CPA6: variants seen among roughly 807,000 people sequenced by gnomAD.
CPA6 encodes the protein carboxypeptidase A6, also known as carboxypeptidase B.
CPA6 carries 58 observed loss-of-function variants against 63.3 expected under a neutral mutation model. The ratio of observed to expected loss-of-function variants is 0.92; its 90% confidence interval spans 0.74 to 1.14. CPA6 has a LOEUF of 1.14. Among genes scored for constraint, CPA6 ranks in the 50% most tolerant of loss-of-function variants. The probability of loss-of-function intolerance (pLI) is 0.00; values close to 1 mark genes in which losing one functional copy is unlikely to be tolerated. For missense variants in CPA6, 565 were observed against 526.6 expected (o/e 1.07, Z -0.71); for synonymous variants, 185 against 179.0 (o/e 1.03, Z -0.27).
intron 2 of CPA6, among the ~76,000 whole-genome samples, chr8:67,550,141 C>T (rs1400530630): frequency 6.6e-6 from 1 of 152,126 alleles, no homozygotes; most frequent in African/African-American, 2.4e-5. Context: ...GATCCCATCA[C>T]CCAGGTACTG....
At chr8:67,624,886 A>G (rs1815161976) in intron 1 of CPA6, among the ~76,000 whole-genome samples, 1 of 152,138 alleles carries the variant, frequency 6.6e-6, no homozygotes, top group Non-Finnish European at 1.5e-5. Flanking sequence ...CCAAAACACC[A>G]GGGGTTTGGT....
intron 9 of CPA6, among the ~76,000 whole-genome samples, chr8:67,432,492 C>T (rs1810049943): frequency 6.6e-6 from 1 of 152,114 alleles, no homozygotes; most frequent in Admixed American, 6.6e-5. Context: ...CAGGGTCTCA[C>T]TCTGTCTCCC....
intron 1 of CPA6, among the ~76,000 whole-genome samples, chr8:67,645,755 C>G (rs1319459850): frequency 6.6e-6 from 1 of 152,076 alleles, no homozygotes; most frequent in African/African-American, 2.4e-5. Context: ...TTTTAATTTT[C>G]CCAGGTCTTC....
At chr8:67,709,423 T>A (rs1481963967) in intron 1 of CPA6, among the ~76,000 whole-genome samples, 1 of 152,246 alleles carries the variant, frequency 6.6e-6, no homozygotes, top group Non-Finnish European at 1.5e-5. Flanking sequence ...GTCCCTTGGA[T>A]GAATTATTTC....
chr8:67,466,365 T>C (rs1221495400), intron 8 of CPA6, among the ~76,000 whole-genome samples: 2 of 152,106 alleles, frequency 1.3e-5, no homozygotes, highest in African/African-American at 4.8e-5. Flanking sequence ...TGTTTGTTAA[T>C]CTAGCTAGCA....
intron 1 of CPA6, among the ~76,000 whole-genome samples, chr8:67,634,005 A>ATGGACAGGTTAAATAGCAGATT (rs1815405587): frequency 6.6e-6 from 1 of 151,578 alleles, no homozygotes; most frequent in African/African-American, 2.4e-5. Context: ...TCGTATGTTG[A>ATGGACAGGTTAAATAGCAGATT]AGTCCTAACT....
At position 67,423,967 on chromosome 8, in the gene CPA6, T is replaced by C. The variant is rs890609482; in HGVS notation, c.1127-1276A>G. On this transcript the variant is annotated intron_variant, in intron 10 of 10. Coordinates refer to ENST00000297770, the MANE Select transcript of CPA6 (RefSeq NM_020361.5). The stretch of plus-strand genomic sequence containing the variant: ...AAGCTTCACCTGTATTTACAGTCAC[T>C]CGCTATCGCTTGCATTACTGCCTGA... Among the ~76,000 whole-genome samples the C allele has an allele frequency of 2.0e-5, 3 of 152,172 alleles. No individual in the cohort carries two copies. In the South Asian group the frequency reaches 6.2e-4, roughly 31 times the overall value.
At chr8:67,619,406 C>T (rs1254913960) in intron 2 of CPA6, among the ~76,000 whole-genome samples, 1 of 152,194 alleles carries the variant, frequency 6.6e-6, no homozygotes, top group Non-Finnish European at 1.5e-5. Flanking sequence ...TGGCTAGATT[C>T]TCTCTTCAGG....
chr8:67,658,194 C>T (rs1311369061), intron 1 of CPA6, among the ~76,000 whole-genome samples: 1 of 152,170 alleles, frequency 6.6e-6, no homozygotes. Context: ...CTTGATCTTT[C>T]TTCCTATCTA....
At chr8:67,486,357 A>G (rs1811476817) in intron 6 of CPA6, among the ~76,000 whole-genome samples, 1 of 152,270 alleles carries the variant, frequency 6.6e-6, no homozygotes, top group Middle Eastern at 3.2e-3. Context: ...GTGACACTTG[A>G]TATTTGCATT....
chr8:67,474,557 G>A (rs930187795), intron 8 of CPA6, among the ~76,000 whole-genome samples: 6 of 152,108 alleles, frequency 3.9e-5, no homozygotes, highest in Non-Finnish European at 8.8e-5. Flanking sequence ...AGTACAGGAA[G>A]GCACTTAGAA....
At chr8:67,547,626 C>A (rs905754859) in intron 2 of CPA6, among the ~76,000 whole-genome samples, 1 of 151,802 alleles carries the variant, frequency 6.6e-6, no homozygotes, top group South Asian at 2.1e-4. Context: ...TCTGGAGTAG[C>A]TGGGCCCACA....
At chr8:67,683,030 C>T (rs1314306340) in intron 1 of CPA6, among the ~76,000 whole-genome samples, 1 of 152,182 alleles carries the variant, frequency 6.6e-6, no homozygotes, top group Non-Finnish European at 1.5e-5. Context: ...GGACTTTCAA[C>T]TTCATTTCCT....
chr8:67,689,069 T>C (rs7834674), intron 1 of CPA6, among the ~76,000 whole-genome samples: 70,951 of 151,578 alleles, frequency 0.47, 19,759 homozygotes, highest in African/African-American at 0.79. Context: ...AACCTCCACC[T>C]CCTGGGTTCG....
At chr8:67,442,241 A>T (rs1454116206) in intron 8 of CPA6, among the ~76,000 whole-genome samples, 1 of 152,060 alleles carries the variant, frequency 6.6e-6, no homozygotes, top group African/African-American at 2.4e-5. Flanking sequence ...ATCAAATATG[A>T]AGAAGCCACA....
At chr8:67,689,192 C>T (rs751531854) in intron 1 of CPA6, among the ~76,000 whole-genome samples, 2 of 152,006 alleles carry the variant, frequency 1.3e-5, no homozygotes, top group African/African-American at 2.4e-5. Context: ...TGGAAGTTAC[C>T]GTTACGCCTG....
intron 8 of CPA6, among the ~76,000 whole-genome samples, chr8:67,463,911 A>G (rs1336774510): frequency 6.6e-6 from 1 of 152,310 alleles, no homozygotes; most frequent in African/African-American, 2.4e-5. Flanking sequence ...CATTTTTAAA[A>G]TCCAGTTCAC....
chr8:67,465,239 C>A (rs1478930660), intron 8 of CPA6, among the ~76,000 whole-genome samples: 2 of 151,680 alleles, frequency 1.3e-5, no homozygotes, highest in African/African-American at 4.8e-5. Flanking sequence ...TTGATGTATT[C>A]TGGTAGTTTT....
chr8:67,726,964 A>G (rs1001223441), intron 1 of CPA6, among the ~76,000 whole-genome samples: 2 of 152,176 alleles, frequency 1.3e-5, no homozygotes, highest in Non-Finnish European at 2.9e-5. Context: ...TCTGATTCTT[A>G]TTTGCAATGA....
Sources: allele counts gnomAD v4.1 joint callset (sites outside exome capture counted in the v4.1 genomes callset), GRCh38; gene constraint gnomAD v4.1.1; transcripts MANE v1.5; gene names NCBI Gene and HGNC (gene_info 2026-07-23, HGNC 2026-07-21).